MDFIC2: variants seen among roughly 807,000 people sequenced by gnomAD.
MDFIC2 encodes the protein myoD family inhibitor domain-containing protein 2.
intron 2 of MDFIC2, among the ~76,000 whole-genome samples, chr3:70,252,759 C>T (rs1701781414): frequency 6.6e-6 from 1 of 151,918 alleles, no homozygotes; most frequent in Admixed American, 6.6e-5. Context: ...CATCAGTGAA[C>T]AAAACAAACT....
chr3:70,205,946 A>C (rs1000653236), intron 3 of MDFIC2: 6 of 151,958 alleles, frequency 3.9e-5, no homozygotes, highest in African/African-American at 1.4e-4. Flanking sequence ...ATAATTTTGA[A>C]CTTTGTTTGG....
intron 2 of MDFIC2, among the ~76,000 whole-genome samples, chr3:70,222,651 C>T (rs1701471483): frequency 6.6e-6 from 1 of 152,142 alleles, no homozygotes; most frequent in Non-Finnish European, 1.5e-5. Context: ...TCCTAGGTTA[C>T]TCAGACATCC....
rs1407187053 is a variant in MDFIC2 at position 70,287,927 on chromosome 3, C to T, written c.88+23959G>A. ...ACATCCCCTTTATCATTTTTTATTG[C>T]GTCTATTTGATTCTTCTCTCTTTTT... On this transcript the variant is annotated intron_variant, in intron 2 of 3. Coordinates refer to ENST00000567252, the MANE Select transcript of MDFIC2 (RefSeq NM_001364677.1). Among the ~76,000 whole-genome samples, 52 of 152,130 alleles carry T rather than the reference C, an allele frequency of 3.4e-4. No individual in the cohort carries two copies. The East Asian group carries it at 4.1e-3, about 12-fold the overall frequency.
intron 2 of MDFIC2, among the ~76,000 whole-genome samples, chr3:70,262,502 G>T (rs1035518168): frequency 2.0e-5 from 3 of 152,198 alleles, no homozygotes; most frequent in African/African-American, 7.2e-5. Context: ...TATGGGGATG[G>T]CTTGGGGGCT....
At chr3:70,224,451 T>G (rs2106739241) in intron 2 of MDFIC2, among the ~76,000 whole-genome samples, 2 of 152,332 alleles carry the variant, frequency 1.3e-5, no homozygotes, top group South Asian at 4.1e-4. Context: ...AAGGTGGCCC[T>G]TTTTTAAAGA....
intron 2 of MDFIC2, among the ~76,000 whole-genome samples, chr3:70,288,050 C>G (rs1004214299): frequency 1.3e-5 from 2 of 150,644 alleles, no homozygotes; most frequent in African/African-American, 4.9e-5. Context: ...TTTTGTGTCT[C>G]TATTTCCTTC....
intron 2 of MDFIC2, among the ~76,000 whole-genome samples, chr3:70,217,329 G>T (rs868428412): frequency 7.9e-5 from 12 of 152,180 alleles, no homozygotes; most frequent in Admixed American, 3.9e-4. Flanking sequence ...AAGCATTGTT[G>T]TCATGATTTT....
At chr3:70,224,233 C>A (rs897708406) in intron 2 of MDFIC2, among the ~76,000 whole-genome samples, 1 of 152,066 alleles carries the variant, frequency 6.6e-6, no homozygotes, top group Non-Finnish European at 1.5e-5. Flanking sequence ...ATTCGAAGTC[C>A]CAGCCAAGGT....
At chr3:70,263,117 G>A (rs1053550538) in intron 2 of MDFIC2, among the ~76,000 whole-genome samples, 1 of 151,938 alleles carries the variant, frequency 6.6e-6, no homozygotes, top group East Asian at 1.9e-4. Flanking sequence ...ATTTATAATA[G>A]TTGTTTTGAT....
intron 2 of MDFIC2, among the ~76,000 whole-genome samples, chr3:70,270,106 A>T (rs1701962322): frequency 6.6e-6 from 1 of 152,214 alleles, no homozygotes. Flanking sequence ...TAATGATGCC[A>T]TCCACAGCAT....
intron 2 of MDFIC2, among the ~76,000 whole-genome samples, chr3:70,298,432 G>A (rs2177146): frequency 0.21 from 31,578 of 151,988 alleles, 3,474 homozygotes; most frequent in South Asian, 0.28. Flanking sequence ...ATTTGTTTGT[G>A]TCTTAAATTA....
chr3:70,262,668 C>T (rs1000743386), intron 2 of MDFIC2, among the ~76,000 whole-genome samples: 1 of 152,168 alleles, frequency 6.6e-6, no homozygotes, highest in East Asian at 1.9e-4. Flanking sequence ...ACTTGTGTCA[C>T]ATAACAGGGT....
chr3:70,254,455 C>G (rs764792413), intron 2 of MDFIC2, among the ~76,000 whole-genome samples: 12 of 152,048 alleles, frequency 7.9e-5, no homozygotes, highest in Non-Finnish European at 1.8e-4. Context: ...ACACAAAGGG[C>G]GTAAAAGAAA....
intron 2 of MDFIC2, among the ~76,000 whole-genome samples, chr3:70,221,648 T>C (rs1323213941): frequency 6.6e-6 from 1 of 152,110 alleles, no homozygotes; most frequent in Non-Finnish European, 1.5e-5. Context: ...ACCAGTATAA[T>C]TCCCCTGAAT....
At chr3:70,197,672 T>A (rs755397604) in intron 3 of MDFIC2, among the ~76,000 whole-genome samples, 17 of 152,220 alleles carry the variant, frequency 1.1e-4, no homozygotes, top group Non-Finnish European at 2.5e-4. Flanking sequence ...GCCACACCCA[T>A]ATTCCAGTGC....
intron 2 of MDFIC2, among the ~76,000 whole-genome samples, chr3:70,249,963 A>G (rs1242789391): frequency 6.6e-6 from 1 of 152,164 alleles, no homozygotes; most frequent in African/African-American, 2.4e-5. Flanking sequence ...ACATAATTAG[A>G]TCCACTAGCC....
At chr3:70,262,486 G>T (rs1022875223) in intron 2 of MDFIC2, among the ~76,000 whole-genome samples, 1 of 152,162 alleles carries the variant, frequency 6.6e-6, no homozygotes, top group African/African-American at 2.4e-5. Context: ...GCTCTTCAGT[G>T]TTTATTATGG....
intron 2 of MDFIC2, among the ~76,000 whole-genome samples, chr3:70,252,122 T>C (rs529600679): frequency 6.6e-6 from 1 of 152,340 alleles, no homozygotes; most frequent in East Asian, 1.9e-4. Context: ...TCAGCTCATA[T>C]AGATCTGAAA....
chr3:70,210,782 T>TG (rs34472743), intron 2 of MDFIC2, among the ~76,000 whole-genome samples: 1 of 52,766 alleles, frequency 1.9e-5, no homozygotes, highest in African/African-American at 3.3e-5. Context: ...CTATATTTCT[T>TG]GGAAAAAAAT....
Sources: gnomAD v4.1 joint callset for allele counts (sites outside exome capture counted in the v4.1 genomes callset) on GRCh38, gnomAD v4.1.1 for gene constraint, MANE v1.5 for transcripts, NCBI Gene and HGNC (gene_info 2026-07-23, HGNC 2026-07-21) for gene names.